Variants in WWOX observed in about 807,000 individuals in gnomAD.
WWOX encodes WW domain containing oxidoreductase, also known as WW domain-containing oxidoreductase.
WWOX carries 69 observed loss-of-function variants against 46.2 expected under a neutral mutation model. The ratio of observed to expected loss-of-function variants is 1.49; its 90% confidence interval spans 1.23 to 1.82. WWOX has a LOEUF of 1.82. WWOX is among the 40% of genes most tolerant of loss of function. WWOX has a pLI of 0.00. For synonymous variants in WWOX, 359 were observed against 202.6 expected, an observed-to-expected ratio of 1.77 and a Z score of -6.56; for missense variants, 919 against 542.6, an observed-to-expected ratio of 1.69 and a Z score of -6.89.
intron 8 of WWOX, among the ~76,000 whole-genome samples, chr16:78,684,302 G>A (rs1217652890): frequency 1.3e-5 from 2 of 152,184 alleles, no homozygotes; most frequent in Admixed American, 6.5e-5. Context: ...TCAGAGTGGG[G>A]AAGGGGAGCG....
At chr16:78,895,736 A>G (rs559399420) in intron 8 of WWOX, 2 of 152,342 alleles carry the variant, frequency 1.3e-5, no homozygotes, top group East Asian at 3.9e-4. Flanking sequence ...TGAGGAACGC[A>G]AGACTTAAAT....
chr16:78,358,021 G>T (rs1447168902), intron 5 of WWOX, among the ~76,000 whole-genome samples: 1 of 152,154 alleles, frequency 6.6e-6, no homozygotes, highest in Non-Finnish European at 1.5e-5. Context: ...GGGCTGGGTA[G>T]AACACACATA....
chr16:78,315,141 G>A (rs2080333949), intron 5 of WWOX, among the ~76,000 whole-genome samples: 1 of 152,042 alleles, frequency 6.6e-6, no homozygotes, highest in South Asian at 2.1e-4. Flanking sequence ...TATAGAAATA[G>A]CAAATTTTCT....
In WWOX at chr16:79,055,348, C is replaced by G. The variant is rs77247191; in HGVS notation, c.1057-156260C>G. On this transcript the variant is annotated intron_variant, in intron 8 of 8. Coordinates refer to ENST00000566780, the MANE Select transcript of WWOX (RefSeq NM_016373.4). ...TCTCATTGAGAGATAGAGTTGAATTCATCTTCCCTTGTATCTAGGCTGCAC... is the reference window on the plus strand; with the variant it reads ...TCTCATTGAGAGATAGAGTTGAATTGATCTTCCCTTGTATCTAGGCTGCAC... Among the ~76,000 whole-genome samples, 1,077 of 152,262 alleles carry G rather than the reference C, an allele frequency of 7.1e-3. 7 individuals carry two copies. The highest frequency in any genetic ancestry group is 9.0e-3 in the Non-Finnish European group (615 of 68,024).
intron 8 of WWOX, chr16:78,503,908 C>T (rs934578766): frequency 2.0e-5 from 3 of 152,158 alleles, no homozygotes; most frequent in Non-Finnish European, 4.4e-5. Flanking sequence ...AATATGCATG[C>T]GACTAAGTGT....
intron 8 of WWOX, among the ~76,000 whole-genome samples, chr16:78,442,521 T>A (rs1475166580): frequency 1.3e-5 from 2 of 152,158 alleles, no homozygotes; most frequent in Non-Finnish European, 2.9e-5. Flanking sequence ...TGCTTTAAAT[T>A]CCACACAAAA....
chr16:79,208,929 G>A (rs1298232838), intron 8 of WWOX, among the ~76,000 whole-genome samples: 9 of 152,204 alleles, frequency 5.9e-5, no homozygotes, highest in African/African-American at 1.9e-4. Flanking sequence ...GGAAAGTAGA[G>A]TGAGTACCCA....
At chr16:78,921,404 A>C (rs2045375466) in intron 8 of WWOX, among the ~76,000 whole-genome samples, 1 of 152,208 alleles carries the variant, frequency 6.6e-6, no homozygotes, top group South Asian at 2.1e-4. Context: ...GTACAGTAAA[A>C]TTAGGAGAGT....
At chr16:79,108,623 C>T (rs564705456) in intron 8 of WWOX, among the ~76,000 whole-genome samples, 4 of 152,260 alleles carry the variant, frequency 2.6e-5, no homozygotes, top group Admixed American at 6.5e-5. Context: ...CATAGTTATT[C>T]GGGCATGGTG....
At chr16:79,121,478 T>A (rs992094785) in intron 8 of WWOX, among the ~76,000 whole-genome samples, 1 of 152,170 alleles carries the variant, frequency 6.6e-6, no homozygotes, top group African/African-American at 2.4e-5. Context: ...ACTTGGGCAT[T>A]GGTTTCTGTT....
At chr16:78,515,746 A>G (rs989306261) in intron 8 of WWOX, among the ~76,000 whole-genome samples, 1 of 152,168 alleles carries the variant, frequency 6.6e-6, no homozygotes. Context: ...CGTGTTCAGC[A>G]CTTCTGCAAC....
intron 8 of WWOX, among the ~76,000 whole-genome samples, chr16:79,149,398 T>C (rs557176508): frequency 6.6e-6 from 1 of 152,330 alleles, no homozygotes; most frequent in South Asian, 2.1e-4. Context: ...TCATGGCATA[T>C]ATGTTTTTTT....
At chr16:78,986,896 T>C (rs1294401094) in intron 8 of WWOX, among the ~76,000 whole-genome samples, 2 of 152,170 alleles carry the variant, frequency 1.3e-5, no homozygotes, top group Non-Finnish European at 2.9e-5. Flanking sequence ...AGAGACTCCT[T>C]TTGACTGCAA....
At chr16:78,572,889 T>A (rs575031603) in intron 8 of WWOX, among the ~76,000 whole-genome samples, 1 of 152,188 alleles carries the variant, frequency 6.6e-6, no homozygotes, top group African/African-American at 2.4e-5. Flanking sequence ...ACCTAGGTAG[T>A]CATTCTATAT....
chr16:79,000,702 A>G (rs2047076145), intron 8 of WWOX, among the ~76,000 whole-genome samples: 1 of 152,170 alleles, frequency 6.6e-6, no homozygotes, highest in Admixed American at 6.5e-5. Context: ...TCTGACCTTC[A>G]GAAAATAAAT....
intron 8 of WWOX, among the ~76,000 whole-genome samples, chr16:78,519,880 G>A (rs1288273495): frequency 1.3e-5 from 2 of 152,132 alleles, no homozygotes; most frequent in East Asian, 3.8e-4. Context: ...AGCCACCTAA[G>A]TTATACTATT....
intron 8 of WWOX, chr16:78,891,865 T>C (rs1243630965): frequency 6.6e-6 from 1 of 152,224 alleles, no homozygotes; most frequent in East Asian, 1.9e-4. Flanking sequence ...TGACCAGTTA[T>C]ACTTCATCAA....
chr16:78,718,024 T>C (rs933631205), intron 8 of WWOX, among the ~76,000 whole-genome samples: 1 of 151,866 alleles, frequency 6.6e-6, no homozygotes, highest in African/African-American at 2.4e-5. Flanking sequence ...AGCACAATGG[T>C]ATTAGCCTGC....
In WWOX at chr16:78,099,709, G is replaced by C. The variant is rs1336089279; in HGVS notation, c.-70G>C. 1.2e-5 allele frequency: 18 copies of C among 1,481,576 alleles called. No homozygotes were observed. In the South Asian group the frequency reaches 1.6e-4, roughly 13 times the overall value. 91.8% of individuals were successfully genotyped at this position (1,481,576 alleles called of 1,614,324 possible). On this transcript the variant is annotated 5_prime_UTR_variant, in exon 1 of 9. Coordinates refer to ENST00000566780, the MANE Select transcript of WWOX (RefSeq NM_016373.4). ...GACGCGCGCGGGTCTCGTTTGGAGC[G>C]GGAGTGAGTTCCTGAGCGAGTGGAC...
Sources: gnomAD v4.1 joint callset for allele counts (sites outside exome capture counted in the v4.1 genomes callset) on GRCh38, gnomAD v4.1.1 for gene constraint, MANE v1.5 for transcripts, NCBI Gene and HGNC (gene_info 2026-07-23, HGNC 2026-07-21) for gene names.